PXDNL: variants seen among roughly 807,000 people sequenced by gnomAD.
The protein encoded by PXDNL is probable oxidoreductase PXDNL.
A neutral mutation model predicts 150.8 loss-of-function variants in PXDNL; 145 were observed. The observed-to-expected ratio is 0.96, with a 90% CI of 0.84 to 1.10. PXDNL has a LOEUF of 1.10. Ranked by LOEUF, PXDNL falls within the 50% of genes least tolerant of loss-of-function variation. PXDNL has a pLI of 0.00. For missense variants in PXDNL, 2,087 were observed against 1,873.9 expected, an observed-to-expected ratio of 1.11 and a Z score of -2.10; for synonymous variants, 757 against 725.7, an observed-to-expected ratio of 1.04 and a Z score of -0.69.
intron 2 of PXDNL, among the ~76,000 whole-genome samples, chr8:51,600,942 A>T (rs187272035): frequency 1.5e-4 from 21 of 137,324 alleles, no homozygotes; most frequent in African/African-American, 5.4e-4. Flanking sequence ...TTTATATAAT[A>T]AATTATATCT....
intron 12 of PXDNL, among the ~76,000 whole-genome samples, chr8:51,440,620 T>A (rs1227660384): frequency 6.6e-6 from 1 of 152,144 alleles, no homozygotes; most frequent in Non-Finnish European, 1.5e-5. Context: ...TGGTGCAAAT[T>A]TATTCAATAT....
chr8:51,372,403 C>T (rs1346387080), intron 18 of PXDNL, among the ~76,000 whole-genome samples: 4 of 152,034 alleles, frequency 2.6e-5, no homozygotes, highest in African/African-American at 7.2e-5. Flanking sequence ...TTTTTTGAGA[C>T]GGAGTCTCAT....
At chr8:51,603,252 T>C (rs1813765221) in intron 2 of PXDNL, among the ~76,000 whole-genome samples, 1 of 151,950 alleles carries the variant, frequency 6.6e-6, no homozygotes, top group Non-Finnish European at 1.5e-5. Context: ...TAAAGATTTT[T>C]TTCTGGGTAA....
rs1158594975 is a variant in PXDNL at position 51,408,790 on chromosome 8, G to T, written c.2834C>A (p.Ala945Glu). The T allele has an allele frequency of 1.9e-6, 3 of 1,573,392 alleles. No homozygotes were observed. Among genetic ancestry groups the T allele is most frequent in the Non-Finnish European group, 2.6e-6 (3 of 1,160,414 alleles). Residue 945 changes from alanine (A) to glutamate (E), a missense_variant, in exon 17 of 23, where the codon GCG becomes GAG. Ala to Glu is a moderately radical substitution (Grantham distance 107, BLOSUM62 -1). Coordinates refer to ENST00000356297, the MANE Select transcript of PXDNL (RefSeq NM_144651.5). The stretch of plus-strand genomic sequence containing the variant: ...ACAGGGGCTCTCCTGCTCCTGTCGC[G>T]CGCACTCGGTGGGTGGGCCTGTAGA... ...PFSTGPPTEC[A>E]RQEQESPCFL...
At chr8:51,477,583 G>A (rs977582702) in intron 6 of PXDNL, among the ~76,000 whole-genome samples, 1 of 152,174 alleles carries the variant, frequency 6.6e-6, no homozygotes, top group Non-Finnish European at 1.5e-5. Context: ...TATATTTTGA[G>A]TTTAATTTCT....
intron 1 of PXDNL, among the ~76,000 whole-genome samples, chr8:51,756,821 C>G (rs565539909): frequency 1.3e-5 from 2 of 151,732 alleles, no homozygotes; most frequent in African/African-American, 2.4e-5. Flanking sequence ...ACTACATGTT[C>G]AGACATTCTA....
chr8:51,449,110 G>T lies in PXDNL; in HGVS notation c.1258C>A (p.Gln420Lys). ...TGATCCTTGGGGGTTACTGTAAATT[G>T]TGGAGGAGCTAAAGAGAATGAAACA... ...AANIIVQAPP[Q>K]FTVTPKDQVV... Residue 420 changes from glutamine to lysine, a missense_variant, in exon 11 of 23, where the codon CAA becomes AAA. Coordinates refer to ENST00000356297, the MANE Select transcript of PXDNL (RefSeq NM_144651.5). 3 of 1,533,894 alleles carry T rather than the reference G, an allele frequency of 2.0e-6. No individual in the cohort carries two copies. The highest frequency in any genetic ancestry group is 1.8e-6 in the Non-Finnish European group (2 of 1,132,352).
chr8:51,493,882 C>CG (rs1810965766), intron 5 of PXDNL, among the ~76,000 whole-genome samples: 1 of 146,570 alleles, frequency 6.8e-6, no homozygotes, highest in Admixed American at 6.8e-5. Context: ...GGAGAACTTC[C>CG]CAATCTAGCA....
At chr8:51,736,415 CTAGGCAGGCT>C (rs1817039234) in intron 1 of PXDNL, among the ~76,000 whole-genome samples, 1 of 152,192 alleles carries the variant, frequency 6.6e-6, no homozygotes, top group Non-Finnish European at 1.5e-5. Context: ...AAGCCACTTG[CTAGGCAGGCT>C]CCAGACTAAC....
intron 6 of PXDNL, among the ~76,000 whole-genome samples, chr8:51,477,876 C>G (rs1563429412): frequency 6.6e-6 from 1 of 152,080 alleles, no homozygotes; most frequent in South Asian, 2.1e-4. Flanking sequence ...GATTTCATTT[C>G]TTTCTAATTA....
chr8:51,587,518 A>G (rs1813350172), intron 3 of PXDNL, among the ~76,000 whole-genome samples: 1 of 152,184 alleles, frequency 6.6e-6, no homozygotes, highest in South Asian at 2.1e-4. Context: ...TGTGTCTTAG[A>G]GGAAAAGCTA....
chr8:51,741,502 C>T (rs2036906332), intron 1 of PXDNL, among the ~76,000 whole-genome samples: 1 of 151,964 alleles, frequency 6.6e-6, no homozygotes, highest in Non-Finnish European at 1.5e-5. Flanking sequence ...AGGAAAGACA[C>T]AGGATCTAAA....
intron 1 of PXDNL, among the ~76,000 whole-genome samples, chr8:51,675,130 A>C (rs2130835684): frequency 6.6e-6 from 1 of 152,032 alleles, no homozygotes; most frequent in South Asian, 2.1e-4. Flanking sequence ...GCTCTTATAA[A>C]CCCTAGTCAT....
At chr8:51,325,121 CCCAAAATG>C (rs1473859166) in intron 21 of PXDNL, among the ~76,000 whole-genome samples, 1 of 152,190 alleles carries the variant, frequency 6.6e-6, no homozygotes, top group Non-Finnish European at 1.5e-5. Context: ...GCCTCAGCCT[CCCAAAATG>C]CTAGGATTAC....
At chr8:51,740,748 G>A (rs1485276273) in intron 1 of PXDNL, among the ~76,000 whole-genome samples, 1 of 151,756 alleles carries the variant, frequency 6.6e-6, no homozygotes, top group African/African-American at 2.4e-5. Flanking sequence ...AGATGGATAT[G>A]TGATGAATTA....
chr8:51,511,083 G>A (rs949383653), intron 4 of PXDNL, among the ~76,000 whole-genome samples: 4 of 152,148 alleles, frequency 2.6e-5, no homozygotes. Context: ...ATGCAGAAAT[G>A]GATTCCAGAG....
intron 3 of PXDNL, among the ~76,000 whole-genome samples, chr8:51,560,841 G>C (rs1402766327): frequency 6.6e-6 from 1 of 151,846 alleles, no homozygotes; most frequent in Non-Finnish European, 1.5e-5. Context: ...AGAGTGAAAA[G>C]GCAACCTGCA....
chr8:51,418,154 A>C (rs1231534647), intron 14 of PXDNL, among the ~76,000 whole-genome samples: 3 of 152,186 alleles, frequency 2.0e-5, no homozygotes, highest in African/African-American at 4.8e-5. Context: ...TTTAACATAA[A>C]GCTAATACAA....
chr8:51,533,937 T>C (rs1470867073), intron 4 of PXDNL, among the ~76,000 whole-genome samples: 317 of 129,392 alleles, frequency 2.4e-3, no homozygotes, highest in Middle Eastern at 4.5e-3. Context: ...CGTCTCTGCC[T>C]GGCCCCCCAT....
Sources: allele counts gnomAD v4.1 joint callset (sites outside exome capture counted in the v4.1 genomes callset), GRCh38; gene constraint gnomAD v4.1.1; transcripts MANE v1.5; gene names NCBI Gene and HGNC (gene_info 2026-07-23, HGNC 2026-07-21).